Variants in PSD3 observed in about 807,000 individuals in gnomAD.
The protein encoded by PSD3 is pleckstrin and Sec7 domain containing 3.
Under a neutral mutation model 105.5 loss-of-function variants are expected in PSD3, and 49 were observed. The observed-to-expected ratio is 0.46, with a 90% CI of 0.37 to 0.59. The LOEUF is 0.59. PSD3 is among the 20% of genes least tolerant of loss of function. The pLI is 0.00. For missense variants in PSD3, 1,561 were observed against 1,263.8 expected (o/e 1.24, Z -3.57); for synonymous variants, 557 against 457.8 (o/e 1.22, Z -2.77).
At chr8:18,692,765 C>T (rs765587626) in intron 9 of PSD3, among the ~76,000 whole-genome samples, 3 of 152,136 alleles carry the variant, frequency 2.0e-5, no homozygotes, top group Non-Finnish European at 4.4e-5. Context: ...CCAAATGTAT[C>T]TTCGGCCTTT....
intron 11 of PSD3, among the ~76,000 whole-genome samples, chr8:18,610,165 T>C (rs1014866476): frequency 3.3e-5 from 5 of 152,240 alleles, no homozygotes; most frequent in Admixed American, 6.5e-5. Flanking sequence ...AGGAAAAAAG[T>C]AGGGCAGCCT....
intron 2 of PSD3, among the ~76,000 whole-genome samples, chr8:18,899,350 T>C (rs1819352643): frequency 6.6e-6 from 1 of 152,154 alleles, no homozygotes; most frequent in African/African-American, 2.4e-5. Flanking sequence ...TCCTGTGAAG[T>C]CCTGCACAAC....
intron 1 of PSD3, among the ~76,000 whole-genome samples, chr8:19,032,143 T>C (rs1440532106): frequency 6.6e-6 from 1 of 152,146 alleles, no homozygotes; most frequent in Non-Finnish European, 1.5e-5. Context: ...CTAAACACTG[T>C]CTTCATTTGT....
chr8:19,066,720 G>T (rs887465989), intron 1 of PSD3, among the ~76,000 whole-genome samples: 1 of 152,176 alleles, frequency 6.6e-6, no homozygotes, highest in Admixed American at 6.5e-5. Context: ...AACAATAATA[G>T]AATCTATCTG....
At chr8:18,767,817 C>T (rs1012559373) in intron 8 of PSD3, among the ~76,000 whole-genome samples, 1 of 152,010 alleles carries the variant, frequency 6.6e-6, no homozygotes, top group Non-Finnish European at 1.5e-5. Context: ...GCATACACTA[C>T]TACTATGCAT....
chr8:18,627,531 T>C (rs1007931202), intron 11 of PSD3, among the ~76,000 whole-genome samples: 9 of 152,064 alleles, frequency 5.9e-5, no homozygotes, highest in African/African-American at 1.9e-4. Context: ...ATAGACTGTG[T>C]AATACATGCC....
intron 10 of PSD3, among the ~76,000 whole-genome samples, chr8:18,645,208 G>A (rs535441822): frequency 6.6e-6 from 1 of 152,274 alleles, no homozygotes; most frequent in African/African-American, 2.4e-5. Context: ...CATGAACTCT[G>A]GGGACATGCT....
At chr8:18,909,865 G>A (rs1460337348) in intron 2 of PSD3, among the ~76,000 whole-genome samples, 1 of 152,124 alleles carries the variant, frequency 6.6e-6, no homozygotes, top group Non-Finnish European at 1.5e-5. Flanking sequence ...GTTTTTATAT[G>A]TTTTTACTTC....
At chr8:18,779,781 G>C (rs1157409105) in intron 8 of PSD3, among the ~76,000 whole-genome samples, 1 of 151,934 alleles carries the variant, frequency 6.6e-6, no homozygotes, top group African/African-American at 2.4e-5. Flanking sequence ...ATTCCATCGT[G>C]GTCTGAGAAG....
At chr8:18,988,235 A>T (rs13265034) in intron 1 of PSD3, among the ~76,000 whole-genome samples, 46,669 of 151,890 alleles carry the variant, frequency 0.31, 7,384 homozygotes, top group Non-Finnish European at 0.35. Flanking sequence ...CTTTGCAAAG[A>T]TTTGACTAAA....
intron 2 of PSD3, among the ~76,000 whole-genome samples, chr8:18,908,593 C>G (rs927440500): frequency 6.6e-6 from 1 of 152,202 alleles, no homozygotes; most frequent in Non-Finnish European, 1.5e-5. Context: ...TCCTGATCAT[C>G]TCAAACAGTC....
chr8:19,071,527 G>T (rs1829262363), intron 1 of PSD3, among the ~76,000 whole-genome samples: 1 of 152,158 alleles, frequency 6.6e-6, no homozygotes, highest in Admixed American at 6.5e-5. Context: ...GAAGGCTGTT[G>T]AGAATCCTGA....
intron 9 of PSD3, among the ~76,000 whole-genome samples, chr8:18,731,285 T>A (rs980867776): frequency 9.9e-5 from 15 of 152,082 alleles, no homozygotes; most frequent in African/African-American, 3.6e-4. Flanking sequence ...ACCTTCTTCA[T>A]CACATAGCAA....
At chr8:18,563,320 G>C (rs1227553365) in intron 14 of PSD3, among the ~76,000 whole-genome samples, 1 of 152,054 alleles carries the variant, frequency 6.6e-6, no homozygotes, top group Non-Finnish European at 1.5e-5. Flanking sequence ...AGGATCTTCG[G>C]TAAACAGTAG....
intron 12 of PSD3, among the ~76,000 whole-genome samples, chr8:18,594,313 T>TTA (rs796438468): frequency 0.2 from 910 of 4,644 alleles, 311 homozygotes; most frequent in Non-Finnish European, 0.3. Flanking sequence ...ATATATATTA[T>TTA]TATATATAAT....
At chr8:19,025,898 A>G (rs190767871) in intron 1 of PSD3, among the ~76,000 whole-genome samples, 2 of 152,298 alleles carry the variant, frequency 1.3e-5, no homozygotes, top group East Asian at 3.9e-4. Flanking sequence ...CACACTACCA[A>G]TAAAGACATA....
chr8:18,696,547 A>T (rs1801273150), intron 9 of PSD3, among the ~76,000 whole-genome samples: 1 of 152,180 alleles, frequency 6.6e-6, no homozygotes, highest in Admixed American at 6.5e-5. Context: ...AGGAGCAAAT[A>T]AAAGTGCATT....
At chr8:18,624,603 G>C (rs529845128) in intron 11 of PSD3, among the ~76,000 whole-genome samples, 63 of 147,138 alleles carry the variant, frequency 4.3e-4, no homozygotes, top group African/African-American at 1.5e-3. Context: ...GAGTTAATGG[G>C]TGCAGCACAC....
At chr8:18,953,415 T>C (rs1433486769) in intron 1 of PSD3, among the ~76,000 whole-genome samples, 1 of 152,168 alleles carries the variant, frequency 6.6e-6, no homozygotes, top group Admixed American at 6.5e-5. Flanking sequence ...GCACTGTTTG[T>C]AATAGCAAAA....
Sources: gnomAD v4.1 joint callset for allele counts (sites outside exome capture counted in the v4.1 genomes callset) on GRCh38, gnomAD v4.1.1 for gene constraint, MANE v1.5 for transcripts, NCBI Gene and HGNC (gene_info 2026-07-23, HGNC 2026-07-21) for gene names.